The following LOXHD1 variants were observed in gnomAD, a reference collection of about 807,000 sequenced individuals.
The protein encoded by LOXHD1 is lipoxygenase homology domain-containing protein 1.
In LOXHD1, 205 loss-of-function variants were observed where a neutral mutation model predicts 248.2. That is an observed-to-expected ratio of 0.83 (90% CI 0.74 to 0.93). The LOEUF is 0.93. Among genes scored for constraint, LOXHD1 ranks in the 40% least tolerant of loss-of-function variants. LOXHD1 has a pLI of 0.00. For synonymous variants in LOXHD1, 1,113 were observed against 1,162.8 expected (o/e 0.96, Z 0.87); for missense variants, 2,930 against 2,971.6 (o/e 0.99, Z 0.33).
intron 40 of LOXHD1, 120 bp downstream of exon 40, chr18:46,483,467 G>C: frequency 8.1e-7 from 1 of 1,233,692 alleles, no homozygotes; most frequent in South Asian, 1.3e-5. Flanking sequence ...TCCTGAACAG[G>C]GTAATCTTGA....
At chr18:46,632,130 C>A (rs1048627609) in intron 4 of LOXHD1, among the ~76,000 whole-genome samples, 1 of 152,136 alleles carries the variant, frequency 6.6e-6, no homozygotes, top group Non-Finnish European at 1.5e-5. Context: ...TAATAATAGC[C>A]GCTACTTCTC....
At chr18:46,577,444 C>G (rs995469543) in intron 14 of LOXHD1, among the ~76,000 whole-genome samples, 11 of 152,178 alleles carry the variant, frequency 7.2e-5, no homozygotes, top group Non-Finnish European at 1.5e-4. Flanking sequence ...CATGAACAAG[C>G]ACCCACATTT....
At chr18:46,543,028 T>A (rs1480742804) in intron 23 of LOXHD1, among the ~76,000 whole-genome samples, 173 bp from the exon 24 acceptor site, 5 of 152,194 alleles carry the variant, frequency 3.3e-5, no homozygotes, top group South Asian at 4.1e-4. Context: ...TTTTAAAAAA[T>A]TTTTTATTTC....
intron 6 of LOXHD1, among the ~76,000 whole-genome samples, chr18:46,609,757 C>T (rs1001052794): frequency 1.3e-5 from 2 of 152,140 alleles, no homozygotes; most frequent in Middle Eastern, 3.2e-3. Context: ...TGCCTCTTTC[C>T]CCTTCTAATT....
intron 14 of LOXHD1, among the ~76,000 whole-genome samples, chr18:46,573,835 T>G (rs774035942): frequency 6.6e-6 from 1 of 152,206 alleles, no homozygotes; most frequent in Non-Finnish European, 1.5e-5. Context: ...AGGCTGTTAT[T>G]TTTCCCAAGG....
In LOXHD1 at chr18:46,538,136, A is replaced by G; in HGVS notation, c.4095+20T>C. 6.6e-7 allele frequency: 1 copy of G among 1,522,564 alleles called. No individual in the cohort carries two copies. Among genetic ancestry groups the G allele is most frequent in the Non-Finnish European group, 8.9e-7 (1 of 1,124,836 alleles). 94.3% of individuals were successfully genotyped at this position (1,522,564 alleles called of 1,614,324 possible). ...TGTCTGACCTACTCCATCCCTGGACAGCCTGCTGAGCCCAAGTACCTCTAC... is the reference window on the plus strand; with the variant it reads ...TGTCTGACCTACTCCATCCCTGGACGGCCTGCTGAGCCCAAGTACCTCTAC... On this transcript the variant is annotated intron_variant, in intron 26 of 40. Coordinates refer to ENST00000642948, the MANE Select transcript of LOXHD1 (RefSeq NM_001384474.1).
intron 4 of LOXHD1, among the ~76,000 whole-genome samples, chr18:46,637,801 T>C (rs969201727): frequency 6.6e-6 from 1 of 152,130 alleles, no homozygotes; most frequent in African/African-American, 2.4e-5. Context: ...ACACAGCTGG[T>C]AATACTGTGC....
chr18:46,604,681 C>G (rs1172398008), intron 6 of LOXHD1, among the ~76,000 whole-genome samples: 1 of 152,082 alleles, frequency 6.6e-6, no homozygotes, highest in East Asian at 1.9e-4. Flanking sequence ...ACAGTGAATC[C>G]TAGGATCTTG....
intron 23 of LOXHD1, among the ~76,000 whole-genome samples, chr18:46,543,570 C>T (rs996730568): frequency 3.3e-5 from 5 of 152,036 alleles, no homozygotes; most frequent in South Asian, 2.1e-4. Context: ...CTACCCTAAC[C>T]CCCCACCCCC....
Position 46,477,396 on chromosome 18 carries a change from G to C in LOXHD1, c.*76C>G. On this transcript the variant is annotated 3_prime_UTR_variant, in exon 41 of 41. Coordinates refer to ENST00000642948, the MANE Select transcript of LOXHD1 (RefSeq NM_001384474.1). ...AGTGCCAATGCTAGAGGCTTTGAAG[G>C]GCTGCTGACCGCCAAGGTGGAGGGC... is the stretch of plus-strand genomic sequence containing the variant. 1 of 1,522,998 alleles carries C rather than the reference G, an allele frequency of 6.6e-7. No homozygotes were observed. Among genetic ancestry groups the C allele is most frequent in the Admixed American group, 2.0e-5 (1 of 49,626 alleles). 94.3% of individuals were successfully genotyped at this position (1,522,998 alleles called of 1,614,324 possible).
rs1310659969 is a variant in LOXHD1 at position 46,560,063 on chromosome 18, AC to A, written c.3061+19del. The A allele has an allele frequency of 4.3e-5, 15 of 351,116 alleles. No homozygotes were observed. Among genetic ancestry groups the A allele is most frequent in the Non-Finnish European group, 7.1e-5 (14 of 198,362 alleles). The allele number at this position is 351,116 out of a possible 1,614,324, so 21.8% of individuals were successfully genotyped here. ...GTCTGGCCACTCCCTCCCCACCCCC[AC>A]CCCCCACGACCCACTTACGCTCAGG... On this transcript the variant is annotated intron_variant, in intron 19 of 40. Transcript: ENST00000642948.
chr18:46,611,057 T>C, intron 5 of LOXHD1, 133 bp from the exon 6 acceptor site: 1 of 1,001,936 alleles, frequency 1.0e-6, no homozygotes, highest in Non-Finnish European at 1.4e-6. Context: ...ATCTAAGGGC[T>C]CCTTACATCC....
At chr18:46,542,575 C>T (rs2036609619) in intron 24 of LOXHD1, among the ~76,000 whole-genome samples, 152 bp downstream of exon 24, 1 of 152,326 alleles carries the variant, frequency 6.6e-6, no homozygotes, top group African/African-American at 2.4e-5. Context: ...TGAGGACTCT[C>T]TCGGCTCTAC....
intron 37 of LOXHD1, among the ~76,000 whole-genome samples, chr18:46,497,338 T>C (rs1028623696): frequency 6.6e-6 from 1 of 152,172 alleles, no homozygotes; most frequent in African/African-American, 2.4e-5. Flanking sequence ...TCCACGGTGC[T>C]GAACCCGCCT....
At position 46,488,895 on chromosome 18, in the gene LOXHD1, C is replaced by T. The variant is rs1393415392; in HGVS notation, c.6049+77G>A. The T allele has an allele frequency of 2.7e-6, 4 of 1,475,898 alleles. No individual in the cohort carries two copies. In the African/African-American group the frequency reaches 5.6e-5, roughly 21 times the overall value. The allele number at this position is 1,475,898 out of a possible 1,614,324, so 91.4% of individuals were successfully genotyped here. On this transcript the variant is annotated intron_variant, in intron 38 of 40. Coordinates refer to ENST00000642948, the MANE Select transcript of LOXHD1 (RefSeq NM_001384474.1). Reference sequence around the variant, plus strand: ...TCCCTGTATCTGGCACCTGACCCCCCTCCAGCTGGAACGGTGTCTTCTTAT... The same window carrying T: ...TCCCTGTATCTGGCACCTGACCCCCTTCCAGCTGGAACGGTGTCTTCTTAT...
intron 12 of LOXHD1, among the ~76,000 whole-genome samples, chr18:46,589,181 G>A (rs328154): frequency 0.79 from 120,722 of 152,154 alleles, 48,439 homozygotes; most frequent in Non-Finnish European, 0.86. Context: ...TCTGCTACCC[G>A]GAAGGAATGC....
intron 33 of LOXHD1, chr18:46,520,740 A>G: frequency 7.6e-6 from 2 of 262,132 alleles, no homozygotes; most frequent in Non-Finnish European, 1.5e-5. Flanking sequence ...CTGCCTGTCT[A>G]CATAGAGCTG....
chr18:46,519,055 G>A, intron 33 of LOXHD1: 1 of 985,520 alleles, frequency 1.0e-6, no homozygotes, highest in Non-Finnish European at 1.2e-6. Flanking sequence ...CCTTCACCAA[G>A]CCCCCACCTC....
chr18:46,546,016 G>A (rs1598967782), intron 22 of LOXHD1, among the ~76,000 whole-genome samples: 1 of 152,096 alleles, frequency 6.6e-6, no homozygotes, highest in East Asian at 1.9e-4. Flanking sequence ...AGAGATGTGA[G>A]TCCTCTGCCT....
Sources: allele counts gnomAD v4.1 joint callset (sites outside exome capture counted in the v4.1 genomes callset), GRCh38; gene constraint gnomAD v4.1.1; transcripts MANE v1.5; gene names NCBI Gene and HGNC (gene_info 2026-07-23, HGNC 2026-07-21).